The following ABI3BP variants were observed in gnomAD, a reference collection of about 807,000 sequenced individuals.
ABI3BP encodes ABI family member 3 binding protein.
Under a neutral mutation model 268.6 loss-of-function variants are expected in ABI3BP, and 216 were observed. The ratio of observed to expected loss-of-function variants is 0.80; its 90% CI spans 0.72 to 0.90. ABI3BP has a LOEUF of 0.90. Ranked by LOEUF, ABI3BP falls within the 40% of genes least tolerant of loss-of-function variation. The probability of loss-of-function intolerance (pLI) is 0.00; values close to 1 mark genes in which losing one functional copy is unlikely to be tolerated. For synonymous variants in ABI3BP, 730 were observed against 730.0 expected, an observed-to-expected ratio of 1.00 and a Z score of 0.00; for missense variants, 2,090 against 2,182.4, an observed-to-expected ratio of 0.96 and a Z score of 0.84.
At chr3:100,968,979 G>A (rs550845983) in intron 1 of ABI3BP, among the ~76,000 whole-genome samples, 2 of 152,158 alleles carry the variant, frequency 1.3e-5, no homozygotes, top group East Asian at 3.9e-4. Context: ...TGCAGGCCTG[G>A]GCCCTTTGGG....
intron 56 of ABI3BP, 47 bp downstream of exon 56, chr3:100,789,407 T>G (rs762549739): frequency 1.3e-6 from 2 of 1,557,144 alleles, no homozygotes; most frequent in South Asian, 1.2e-5. Flanking sequence ...CCATTTCATA[T>G]CTTCCCCTGC....
intron 4 of ABI3BP, among the ~76,000 whole-genome samples, chr3:100,894,059 G>C (rs1452277733): frequency 6.6e-5 from 10 of 152,172 alleles, no homozygotes; most frequent in Admixed American, 6.5e-4. Flanking sequence ...GCTGTTGCCA[G>C]AATCCAGGGT....
rs114824159 is a variant in ABI3BP at position 100,857,367 on chromosome 3, A to T, written c.1285+4944T>A. On this transcript the variant is annotated intron_variant, in intron 14 of 67. Coordinates refer to ENST00000471714, the MANE Select transcript of ABI3BP (RefSeq NM_001375547.2). ...GTGCATTATATTAAGTAATTTATAC[A>T]TTATTTCTAAGACGTAACCACCTGG... 8.4e-3 allele frequency among the ~76,000 whole-genome samples: 1,280 copies of T among 152,320 alleles called. 19 individuals are homozygous for T. The highest frequency in any genetic ancestry group is 0.029 in the African/African-American group (1,191 of 41,556).
intron 63 of ABI3BP, among the ~76,000 whole-genome samples, chr3:100,758,030 G>A (rs1371919788): frequency 6.6e-6 from 1 of 152,074 alleles, no homozygotes; most frequent in Non-Finnish European, 1.5e-5. Flanking sequence ...TCTAGGACAA[G>A]CCAGGTAAAT....
In ABI3BP at chr3:100,892,647, A is replaced by G. The variant is rs562293017; in HGVS notation, c.461+6115T>C. 2.0e-5 allele frequency among the ~76,000 whole-genome samples: 3 copies of G among 152,268 alleles called. No homozygotes were observed. In the South Asian group the frequency reaches 6.2e-4, roughly 32 times the overall value. ...TCTGTTCTCTGTAGAACAGCAACAAAAGCAATTTCTGAGAGCTTTTAAAAA... is the reference window on the plus strand; with the variant it reads ...TCTGTTCTCTGTAGAACAGCAACAAGAGCAATTTCTGAGAGCTTTTAAAAA... On this transcript the variant is annotated intron_variant, in intron 4 of 67. Transcript: ENST00000471714.
intron 10 of ABI3BP, 50 bp from the exon 11 acceptor site, chr3:100,864,957 C>A: frequency 2.8e-6 from 4 of 1,411,294 alleles, no homozygotes; most frequent in South Asian, 1.2e-5. Context: ...GTGAAGCAAC[C>A]AAAGACCAGG....
intron 51 of ABI3BP, among the ~76,000 whole-genome samples, chr3:100,803,335 T>TC (rs1054790666): frequency 1.4e-5 from 2 of 145,016 alleles, no homozygotes; most frequent in African/African-American, 4.9e-5. Flanking sequence ...TTTTTTTTTT[T>TC]CTGCCAAAAG....
intron 67 of ABI3BP, 104 bp from the exon 68 acceptor site, chr3:100,750,714 G>C: frequency 4.2e-6 from 3 of 710,876 alleles, no homozygotes; most frequent in Non-Finnish European, 6.8e-6. Context: ...GCTAATCTTA[G>C]TGAAGCGAGG....
At chr3:100,917,359 T>C (rs1444174294) in intron 2 of ABI3BP, among the ~76,000 whole-genome samples, 2 of 152,182 alleles carry the variant, frequency 1.3e-5, no homozygotes, top group South Asian at 2.1e-4. Flanking sequence ...GCACTGAATT[T>C]CCATGGAATG....
intron 1 of ABI3BP, among the ~76,000 whole-genome samples, chr3:100,965,002 G>T (rs1262709106): frequency 6.6e-6 from 1 of 151,842 alleles, no homozygotes; most frequent in Non-Finnish European, 1.5e-5. Flanking sequence ...ATAAATTTTT[G>T]TATTAATAAG....
At chr3:100,860,473 T>C (rs768848216) in intron 14 of ABI3BP, among the ~76,000 whole-genome samples, 7 of 152,164 alleles carry the variant, frequency 4.6e-5, no homozygotes, top group Non-Finnish European at 8.8e-5. Flanking sequence ...CTGCTCATAC[T>C]CCTTCAGGGC....
intron 2 of ABI3BP, among the ~76,000 whole-genome samples, chr3:100,910,025 C>T (rs914513435): frequency 2.6e-5 from 4 of 152,104 alleles, no homozygotes; most frequent in African/African-American, 7.2e-5. Flanking sequence ...AACCCAAATG[C>T]CCATCAATGA....
intron 1 of ABI3BP, among the ~76,000 whole-genome samples, chr3:100,927,298 T>C (rs2062079528): frequency 6.6e-6 from 1 of 152,176 alleles, no homozygotes; most frequent in Non-Finnish European, 1.5e-5. Context: ...CATTGTCTTT[T>C]GCCTTTGGAG....
chr3:100,912,030 A>G, intron 2 of ABI3BP: 1 of 753,290 alleles, frequency 1.3e-6, no homozygotes, highest in South Asian at 1.4e-5. Flanking sequence ...CAACTTCAAC[A>G]TCATCCATTT....
chr3:100,816,589 T>C, intron 43 of ABI3BP, 99 bp downstream of exon 43: 1 of 941,776 alleles, frequency 1.1e-6, no homozygotes, highest in South Asian at 1.4e-5. Context: ...ACATGATGAC[T>C]GTTACTTCCC....
chr3:100,852,497 T>G (rs1190398398), intron 14 of ABI3BP, among the ~76,000 whole-genome samples: 1 of 152,232 alleles, frequency 6.6e-6, no homozygotes, highest in Non-Finnish European at 1.5e-5. Flanking sequence ...AGCCCCACTT[T>G]GTAGACAATA....
At chr3:100,943,764 G>A (rs1287652481) in intron 1 of ABI3BP, among the ~76,000 whole-genome samples, 1 of 152,050 alleles carries the variant, frequency 6.6e-6, no homozygotes, top group East Asian at 1.9e-4. Context: ...GTAGTATTCA[G>A]ATAGTTATTA....
chr3:100,847,891 G>C (rs2153000605), intron 18 of ABI3BP, among the ~76,000 whole-genome samples: 1 of 152,254 alleles, frequency 6.6e-6, no homozygotes, highest in Middle Eastern at 3.4e-3. Context: ...AACCCAGTTG[G>C]TCAAGCATGA....
intron 33 of ABI3BP, 118 bp downstream of exon 33, chr3:100,829,463 T>A: frequency 1.1e-6 from 1 of 900,902 alleles, no homozygotes; most frequent in Non-Finnish European, 1.7e-6. Context: ...CCCAGCCCTG[T>A]TCCTCATTGC....
Sources: allele counts gnomAD v4.1 joint callset (sites outside exome capture counted in the v4.1 genomes callset), GRCh38; gene constraint gnomAD v4.1.1; transcripts MANE v1.5; gene names NCBI Gene and HGNC (gene_info 2026-07-23, HGNC 2026-07-21).